SPATA6L: variants seen among roughly 807,000 people sequenced by gnomAD.
SPATA6L encodes the protein spermatogenesis associated 6-like protein.
In SPATA6L, 68 loss-of-function variants were observed where a neutral mutation model predicts 49.2. The ratio of observed to expected loss-of-function variants is 1.38; its 90% CI spans 1.14 to 1.69. The LOEUF (loss-of-function observed/expected upper bound fraction) is 1.69. Ranked by LOEUF, SPATA6L falls within the 40% of genes most tolerant of loss-of-function variation. SPATA6L has a pLI of 0.00. For synonymous variants in SPATA6L, 198 were observed against 165.7 expected (o/e 1.19, Z -1.50); for missense variants, 668 against 464.3 (o/e 1.44, Z -4.03).
At chr9:4,659,228 C>T (rs7028988) in intron 2 of SPATA6L, among the ~76,000 whole-genome samples, 92,428 of 151,972 alleles carry the variant, frequency 0.61, 29,471 homozygotes, top group African/African-American at 0.81. Flanking sequence ...CTTAGCCCTT[C>T]AGAAAATTGA....
chr9:4,634,789 T>C (rs1402333650), intron 4 of SPATA6L, among the ~76,000 whole-genome samples: 2 of 152,160 alleles, frequency 1.3e-5, no homozygotes, highest in Non-Finnish European at 2.9e-5. Flanking sequence ...ATCAACGGAA[T>C]ATCTGCTACA....
At chr9:4,604,356 G>A (rs1824179257) in intron 10 of SPATA6L, 87 bp from the exon 11 acceptor site, 5 of 806,402 alleles carry the variant, frequency 6.2e-6, no homozygotes, top group Non-Finnish European at 8.2e-6. Flanking sequence ...GCATGTAGGA[G>A]GTCTGTGCAT....
Position 4,662,443 on chromosome 9 carries a change from G to A in SPATA6L, c.40-407C>T, listed in dbSNP as rs1222136164. 1.3e-6 allele frequency: 2 copies of A among 1,544,296 alleles called. No homozygotes were observed. The highest frequency in any genetic ancestry group is 4.8e-5 in the East Asian group (2 of 41,626). Reference sequence around the variant, plus strand: ...GTCTCCGCTTCGAGCAGCAGCAGCAGCCCCGGCAGCCCAGCCCATGGCGGC... The same window carrying A: ...GTCTCCGCTTCGAGCAGCAGCAGCAACCCCGGCAGCCCAGCCCATGGCGGC... On this transcript the variant is annotated intron_variant, in intron 1 of 11. Transcript: ENST00000682582. The surrounding 1 kb of genome is among the most constrained non-coding windows in gnomAD (Gnocchi z 4.9).
chr9:4,615,680 C>T (rs921422587), intron 9 of SPATA6L, among the ~76,000 whole-genome samples: 1 of 152,216 alleles, frequency 6.6e-6, no homozygotes, highest in African/African-American at 2.4e-5. Context: ...CACAATCTAT[C>T]TCATATTCAG....
chr9:4,643,802 C>T (rs1318163159), intron 3 of SPATA6L, among the ~76,000 whole-genome samples: 4 of 152,064 alleles, frequency 2.6e-5, no homozygotes, highest in African/African-American at 4.8e-5. Context: ...GTCAGGAGTT[C>T]GACACCAGCC....
chr9:4,651,062 G>A (rs1311524304), intron 3 of SPATA6L, among the ~76,000 whole-genome samples: 1 of 151,958 alleles, frequency 6.6e-6, no homozygotes, highest in Non-Finnish European at 1.5e-5. Flanking sequence ...GGGTAGAGTG[G>A]TACGATCACA....
At chr9:4,660,871 G>A (rs1418890575) in intron 2 of SPATA6L, among the ~76,000 whole-genome samples, 2 of 152,194 alleles carry the variant, frequency 1.3e-5, no homozygotes, top group African/African-American at 4.8e-5. Context: ...ATGAGTTCGT[G>A]TCCTTTGTAG....
downstream of SPATA6L, among the ~76,000 whole-genome samples, chr9:4,594,270 C>T (rs999069208): frequency 1.2e-4 from 18 of 152,252 alleles, no homozygotes; most frequent in East Asian, 1.7e-3. Flanking sequence ...AGTGCAGTGG[C>T]GCGAACTCAG....
At chr9:4,620,965 T>C (rs1361420923) in intron 7 of SPATA6L, among the ~76,000 whole-genome samples, 1 of 152,026 alleles carries the variant, frequency 6.6e-6, no homozygotes, top group Admixed American at 6.5e-5. Context: ...TGCTTCAAAC[T>C]CTACTCTGTC....
intron 1 of SPATA6L, chr9:4,663,001 C>A: frequency 1.2e-6 from 2 of 1,613,442 alleles, no homozygotes; most frequent in Non-Finnish European, 1.7e-6. Flanking sequence ...GACAAGTACT[C>A]CTTCCCCTCG....
chr9:4,613,236 A>AAAAG (rs560242149), intron 9 of SPATA6L, among the ~76,000 whole-genome samples: 4,744 of 151,706 alleles, frequency 0.031, 255 homozygotes, highest in African/African-American at 0.11. Context: ...TCAAAAAAAA[A>AAAAG]AAAGAAAGAA....
rs754579190 is a variant in SPATA6L at position 4,662,987 on chromosome 9, G to A, written c.40-951C>T. The A allele has an allele frequency of 9.9e-6, 16 of 1,613,002 alleles. No individual in the cohort carries two copies. Among genetic ancestry groups the A allele is most frequent in the Middle Eastern group, 1.6e-4 (1 of 6,062 alleles). On this transcript the variant is annotated intron_variant, in intron 1 of 11. Transcript: ENST00000682582. The surrounding 1 kb of genome is among the most constrained non-coding windows in gnomAD (Gnocchi z 4.9). ...AGATGGACATGTTTGTCACTCTCTC[G>A]GTGGACAAGTACTCCTTCCCCTCGG...
rs1220711609 is a variant in SPATA6L, at chr9:4,605,421, A to G, written c.1015T>C (p.Ser339Pro). 1 of 1,613,940 alleles carries G rather than the reference A, an allele frequency of 6.2e-7. No individual in the cohort carries two copies. Among genetic ancestry groups the G allele is most frequent in the Admixed American group, 1.7e-5 (1 of 60,032 alleles). Reference protein sequence around the residue: ...LRERFHPGSQSTWKNIHERVC... With the variant: ...LRERFHPGSQPTWKNIHERVC... ...CTCTCATGGATATTCTTCCATGTGG[A>G]CTGAGAACCAGGATGGAACCTGCTC... The change falls in exon 10 of 12, where the codon TCC becomes CCC. Residue 339 changes from serine (S) to proline (P), a missense_variant. By Grantham distance (74) the Ser-to-Pro change is moderately conservative. Coordinates refer to ENST00000682582, the MANE Select transcript of SPATA6L (RefSeq NM_001353486.2).
At chr9:4,616,207 G>T (rs1257407904) in intron 9 of SPATA6L, among the ~76,000 whole-genome samples, 6 of 152,102 alleles carry the variant, frequency 3.9e-5, no homozygotes. Context: ...GGTTGGGGAG[G>T]TCAAGGCTGC....
intron 13 of SPATA6L, among the ~76,000 whole-genome samples, chr9:4,590,343 C>T (rs1821827072): frequency 1.3e-5 from 2 of 152,276 alleles, no homozygotes; most frequent in Non-Finnish European, 1.5e-5. Context: ...ATGCACAGTG[C>T]CACAAAACTC....
Position 4,662,930 on chromosome 9 carries a change from G to C in SPATA6L, c.40-894C>G, listed in dbSNP as rs773664207. ...TGCTGCTGGTGGCCTTGATCAAAGG[G>C]CTGGTCCGCAGGCGCCGCCCGGCCC... On this transcript the variant is annotated intron_variant, in intron 1 of 11. Transcript: ENST00000682582. The surrounding 1 kb of genome is among the most constrained non-coding windows in gnomAD (Gnocchi z 4.9). 1 of 1,610,946 alleles carries C rather than the reference G, an allele frequency of 6.2e-7. No homozygotes were observed. The highest frequency in any genetic ancestry group is 8.5e-7 in the Non-Finnish European group (1 of 1,179,960).
chr9:4,659,689 A>T (rs1237899406), intron 2 of SPATA6L, among the ~76,000 whole-genome samples: 1 of 152,218 alleles, frequency 6.6e-6, no homozygotes, highest in Admixed American at 6.5e-5. Context: ...TTTAAAGTTC[A>T]TATGGAACCA....
downstream of SPATA6L, among the ~76,000 whole-genome samples, chr9:4,593,351 A>T (rs1822029044): frequency 6.6e-6 from 1 of 152,042 alleles, no homozygotes; most frequent in Admixed American, 6.6e-5. Flanking sequence ...CTCCCACCTC[A>T]TCTAGCTGCC....
At chr9:4,627,561 G>A in intron 5 of SPATA6L, 1 of 372,800 alleles carries the variant, frequency 2.7e-6, no homozygotes, top group South Asian at 2.1e-5. Flanking sequence ...AGTATTTGGA[G>A]AAGCTTCACA....
Sources: gnomAD v4.1 joint callset for allele counts (sites outside exome capture counted in the v4.1 genomes callset) on GRCh38, gnomAD v4.1.1 for gene constraint, Gnocchi (gnomAD v3.1) non-coding constraint, MANE v1.5 for transcripts, NCBI Gene and HGNC (gene_info 2026-07-23, HGNC 2026-07-21) for gene names.